The following SLC11A2 variants were observed in gnomAD, a reference collection of about 807,000 sequenced individuals.
SLC11A2 encodes solute carrier family 11 member 2.
Under a neutral mutation model 68.0 loss-of-function variants are expected in SLC11A2, and 38 were observed. That is an observed-to-expected ratio of 0.56 (90% CI 0.43 to 0.73). The LOEUF is 0.73. Among genes scored for constraint, SLC11A2 ranks in the 30% least tolerant of loss-of-function variants. The pLI is 0.00. For synonymous variants in SLC11A2, 242 were observed against 250.6 expected (o/e 0.97, Z 0.32); for missense variants, 517 against 690.5 (o/e 0.75, Z 2.82).
chr12:50,995,501 C>A, intron 10 of SLC11A2, 128 bp downstream of exon 10: 1 of 977,984 alleles, frequency 1.0e-6, no homozygotes, highest in East Asian at 2.6e-5. Flanking sequence ...TTTTGGGGGG[C>A]AGACGAGAAG....
chr12:50,987,202 C>T lies in SLC11A2; in HGVS notation c.*1123G>A. 7.8e-7 allele frequency: 1 copy of T among 1,286,920 alleles called. No individual in the cohort carries two copies. Among genetic ancestry groups the T allele is most frequent in the Middle Eastern group, 3.3e-4 (1 of 3,064 alleles). The allele number at this position is 1,286,920 out of a possible 1,614,324, so 79.7% of individuals were successfully genotyped here. ...GAGGAAACAGCTGTAGAGAGGTAGC[C>T]CAGTTCAACTTTGCTGAGACAGTGA... On this transcript the variant is annotated 3_prime_UTR_variant, in exon 16 of 16. Coordinates refer to ENST00000262052, the MANE Select transcript of SLC11A2 (RefSeq NM_000617.3).
At chr12:51,009,266 A>G in intron 2 of SLC11A2, 4 of 1,301,892 alleles carry the variant, frequency 3.1e-6, no homozygotes, top group Non-Finnish European at 3.9e-6. Flanking sequence ...GGCTTGCAGT[A>G]AAGTGCCGCC....
At chr12:50,976,334 C>T (rs1479256348), downstream of SLC11A2, among the ~76,000 whole-genome samples, 1 of 152,186 alleles carries the variant, frequency 6.6e-6, no homozygotes, top group African/African-American at 2.4e-5. Context: ...AAGGCTGGTT[C>T]AACATACACA....
At chr12:50,999,472 A>C in intron 6 of SLC11A2, 57 bp from the exon 7 acceptor site, 1 of 1,369,596 alleles carries the variant, frequency 7.3e-7, no homozygotes, top group South Asian at 1.2e-5. Flanking sequence ...AAACATTGAA[A>C]AACACTCTCT....
chr12:51,014,884 G>A (rs1943509117), intron 1 of SLC11A2, among the ~76,000 whole-genome samples: 1 of 151,856 alleles, frequency 6.6e-6, no homozygotes, highest in Non-Finnish European at 1.5e-5. Flanking sequence ...AAAGAGGTCA[G>A]GCGTGGTGGC....
chr12:51,026,688 C>T (rs573379606), upstream of SLC11A2, among the ~76,000 whole-genome samples: 1 of 152,264 alleles, frequency 6.6e-6, no homozygotes, highest in East Asian at 1.9e-4. Context: ...CGCCGTGGCG[C>T]CACGTTAGGT....
chr12:50,982,954 A>AC, downstream of SLC11A2, among the ~76,000 whole-genome samples: 1 of 151,996 alleles, frequency 6.6e-6, no homozygotes, highest in South Asian at 2.1e-4. Context: ...AAAAAAAAAA[A>AC]AAACCCACAA....
chr12:51,011,651 C>G (rs980115777), intron 1 of SLC11A2, among the ~76,000 whole-genome samples: 6 of 151,260 alleles, frequency 4.0e-5, no homozygotes, highest in Non-Finnish European at 8.8e-5. Flanking sequence ...CAACCTCTGC[C>G]TCCTGGGTTC....
In SLC11A2 at chr12:50,994,551, T is replaced by C; in HGVS notation, c.1070A>G (p.Tyr357Cys). The part of the protein sequence containing the change: ...KDNSTLAVDI[Y>C]KGGVVLGCYF... ...AAATCCAAACATGCTTACCCCTTTG[T>C]AGATGTCCACAGCCAGTGTCGAGTT... Residue 357 changes from tyrosine (Y) to cysteine (C), a missense_variant, in exon 11 of 16, where the codon TAC becomes TGC. By Grantham distance (194) the Tyr-to-Cys change is radical (BLOSUM62 -2). Coordinates refer to ENST00000262052, the MANE Select transcript of SLC11A2 (RefSeq NM_000617.3). The C allele has an allele frequency of 6.2e-7, 1 of 1,600,412 alleles. No individual in the cohort carries two copies. The highest frequency in any genetic ancestry group is 8.6e-7 in the Non-Finnish European group (1 of 1,167,360).
intron 1 of SLC11A2, among the ~76,000 whole-genome samples, chr12:51,017,743 A>G (rs1336927760): frequency 6.6e-6 from 1 of 152,182 alleles, no homozygotes; most frequent in Non-Finnish European, 1.5e-5. Flanking sequence ...ATTGGCAGGT[A>G]TTTATTGCCT....
rs2136164624 is a variant in SLC11A2 at position 50,988,223 on chromosome 12, A to C, written c.*102T>G. ...TCCAACCAACGGTTGAGTCATAAAC[A>C]CAGTCTGTGCAACGGCACATACTTT... On this transcript the variant is annotated 3_prime_UTR_variant, in exon 16 of 16. Coordinates refer to ENST00000262052, the MANE Select transcript of SLC11A2 (RefSeq NM_000617.3). 6.3e-7 allele frequency: 1 copy of C among 1,590,760 alleles called. No homozygotes were observed. Among genetic ancestry groups the C allele is most frequent in the Non-Finnish European group, 8.6e-7 (1 of 1,168,636 alleles).
the SLC11A2 span, among the ~76,000 whole-genome samples, chr12:50,966,641 T>C: frequency 5.9e-5 from 9 of 152,212 alleles, no homozygotes; most frequent in East Asian, 1.9e-4. Flanking sequence ...TTTCATTTAG[T>C]GGAGATTACC....
chr12:51,005,427 AACAAGAGT>A lies in SLC11A2; in HGVS notation c.185_192del (p.Tyr62PhefsTer2). The A allele has an allele frequency of 6.2e-7, 1 of 1,613,872 alleles. No homozygotes were observed. Among genetic ancestry groups the A allele is most frequent in the African/African-American group, 1.3e-5 (1 of 75,052 alleles). On this transcript the variant is annotated frameshift_variant and splice_region_variant, in exon 4 of 16. Coordinates refer to ENST00000262052, the MANE Select transcript of SLC11A2 (RefSeq NM_000617.3). LOFTEE classifies it high-confidence loss of function. ...AAAGCCCAGAGTTTACGAAAGCTAA[AACAAGAGT>A]ACTGTACAAGAGAGGAAAAGAGATT...
At chr12:50,995,084 G>T in intron 10 of SLC11A2, 2 of 233,384 alleles carry the variant, frequency 8.6e-6, no homozygotes, top group South Asian at 1.2e-4. Context: ...GCCGAGGCAG[G>T]TGGATCACTT....
chr12:51,011,754 G>A (rs575501489), intron 1 of SLC11A2, among the ~76,000 whole-genome samples: 2 of 151,690 alleles, frequency 1.3e-5, no homozygotes, highest in South Asian at 2.1e-4. Context: ...GTAGAGACAC[G>A]GTTTGACCAT....
At chr12:50,993,652 A>AC (rs764973847) in intron 11 of SLC11A2, among the ~76,000 whole-genome samples, 5 of 151,528 alleles carry the variant, frequency 3.3e-5, no homozygotes, top group South Asian at 4.2e-4. Flanking sequence ...ACATGGAGAG[A>AC]CCCCCATCTC....
At chr12:50,972,505 C>T in the SLC11A2 span, among the ~76,000 whole-genome samples, 1 of 152,162 alleles carries the variant, frequency 6.6e-6, no homozygotes, top group African/African-American at 2.4e-5. Context: ...TTGCCATGTT[C>T]TGGGGTGGTT....
At chr12:50,957,937 G>GGT in the SLC11A2 span, among the ~76,000 whole-genome samples, 20,719 of 132,122 alleles carry the variant, frequency 0.16, 1,829 homozygotes, top group Non-Finnish European at 0.19. Flanking sequence ...ATGAATTGGA[G>GGT]GTGTGTGTGT....
downstream of SLC11A2, chr12:50,981,758 T>C: frequency 6.5e-7 from 1 of 1,536,204 alleles, no homozygotes; most frequent in Non-Finnish European, 8.7e-7. Context: ...GCGTCCATGG[T>C]GTTCAGAAGA....
Sources: gnomAD v4.1 joint callset for allele counts (sites outside exome capture counted in the v4.1 genomes callset) on GRCh38, gnomAD v4.1.1 for gene constraint, MANE v1.5 for transcripts, NCBI Gene and HGNC (gene_info 2026-07-23, HGNC 2026-07-21) for gene names.